Variants in ADIPOR2 observed in about 807,000 individuals in gnomAD.
ADIPOR2 encodes the protein adiponectin receptor 2, also known as adiponectin receptor protein 2.
A neutral mutation model predicts 40.9 loss-of-function variants in ADIPOR2; 18 were observed. That is an observed-to-expected ratio of 0.44 (90% CI 0.30 to 0.65). The LOEUF is 0.65. Ranked by LOEUF, ADIPOR2 falls within the 30% of genes least tolerant of loss-of-function variation. ADIPOR2 has a pLI of 0.09. For synonymous variants in ADIPOR2, 165 were observed against 166.4 expected, an observed-to-expected ratio of 0.99 and a Z score of 0.06; for missense variants, 283 against 479.2, an observed-to-expected ratio of 0.59 and a Z score of 3.82.
chr12:1,730,510 G>T (rs1340236510), intron 1 of ADIPOR2, among the ~76,000 whole-genome samples: 1 of 151,700 alleles, frequency 6.6e-6, no homozygotes, highest in Non-Finnish European at 1.5e-5. Flanking sequence ...CCAGCTACAC[G>T]GGAAGCTGAG....
chr12:1,784,624 G>A (rs1174293947), intron 7 of ADIPOR2, among the ~76,000 whole-genome samples: 1 of 152,194 alleles, frequency 6.6e-6, no homozygotes, highest in East Asian at 1.9e-4. Context: ...TTTGTAATGG[G>A]AGACTGAGTG....
chr12:1,704,903 A>G (rs536215998), intron 1 of ADIPOR2, among the ~76,000 whole-genome samples: 2 of 152,146 alleles, frequency 1.3e-5, no homozygotes, highest in South Asian at 4.1e-4. Flanking sequence ...GAATTGAGCA[A>G]TATTGATAAA....
chr12:1,720,343 CA>C (rs1427028344), intron 1 of ADIPOR2, among the ~76,000 whole-genome samples: 1 of 150,784 alleles, frequency 6.6e-6, no homozygotes, highest in Non-Finnish European at 1.5e-5. Context: ...GACTGGTGGG[CA>C]GGGGGTGGAG....
At chr12:1,759,154 G>A (rs1214087706) in intron 2 of ADIPOR2, among the ~76,000 whole-genome samples, 2 of 152,120 alleles carry the variant, frequency 1.3e-5, no homozygotes, top group Non-Finnish European at 2.9e-5. Flanking sequence ...TGCAGACCTC[G>A]TTTTCTGTTA....
chr12:1,779,754 C>T (rs2154444393), intron 4 of ADIPOR2, among the ~76,000 whole-genome samples: 1 of 152,276 alleles, frequency 6.6e-6, no homozygotes, highest in East Asian at 1.9e-4. Context: ...ACTTCTAATT[C>T]AAGGGTAATT....
rs543845065 is a variant in ADIPOR2, at chr12:1,783,129, C to T, written c.839-751C>T. Among the ~76,000 whole-genome samples, 23 of 150,828 alleles carry T rather than the reference C, an allele frequency of 1.5e-4. 1 individual carries two copies. The highest frequency in any genetic ancestry group is 5.9e-4 in the Admixed American group (9 of 15,152). ...ATTACAGGTGTGAGCTGAGCCACTG[C>T]GCCCAGCCTTAGATTCCTATTAAAA... is the stretch of plus-strand genomic sequence containing the variant. On this transcript the variant is annotated intron_variant, in intron 6 of 7. Transcript: ENST00000357103.
Position 1,745,526 on chromosome 12 carries a change from C to CA in ADIPOR2, c.-86-8729dup, listed in dbSNP as rs2094753130. 2.0e-5 allele frequency among the ~76,000 whole-genome samples: 3 copies of CA among 152,296 alleles called. No homozygotes were observed. In the South Asian group the frequency reaches 6.2e-4, roughly 32 times the overall value. On this transcript the variant is annotated intron_variant, in intron 1 of 7. Transcript: ENST00000357103. ...TCATTGGATCTCTACATTTAGGTTA[C>CA]AAACGGGATGAATTTTTTCCTAAAA... is the stretch of plus-strand genomic sequence containing the variant.
rs769157778 is a variant in ADIPOR2 at position 1,777,940 on chromosome 12, G to A, written c.378G>A (p.Arg126=). Residue 126 remains arginine, a synonymous_variant, in exon 4 of 8, where the codon CGG becomes CGA. Coordinates refer to ENST00000357103, the MANE Select transcript of ADIPOR2 (RefSeq NM_024551.3). ...KDNDFLLHGH[R]PPMPSFRACF... is the part of the protein sequence containing the mutation. The stretch of plus-strand genomic sequence containing the variant: ...ATGACTTCCTCTTGCATGGACACCG[G>A]CCTCCTATGCCTTCTTTCCGGGCCT... The A allele has an allele frequency of 8.1e-6, 13 of 1,613,876 alleles. No individual in the cohort carries two copies. Among genetic ancestry groups the A allele is most frequent in the Non-Finnish European group, 8.5e-6 (10 of 1,179,962 alleles).
At chr12:1,701,204 A>G (rs2094649638) in intron 1 of ADIPOR2, among the ~76,000 whole-genome samples, 1 of 144,870 alleles carries the variant, frequency 6.9e-6, no homozygotes, top group South Asian at 2.1e-4. Flanking sequence ...ATCATGGCTC[A>G]CTGCAGCCCA....
chr12:1,699,489 C>A (rs756488479), intron 1 of ADIPOR2, among the ~76,000 whole-genome samples: 9 of 151,836 alleles, frequency 5.9e-5, no homozygotes, highest in East Asian at 1.9e-4. Flanking sequence ...ACAAAAAAAA[C>A]CAAAAACAAA....
At chr12:1,731,907 T>C (rs1412616990) in intron 1 of ADIPOR2, among the ~76,000 whole-genome samples, 1 of 152,018 alleles carries the variant, frequency 6.6e-6, no homozygotes, top group Non-Finnish European at 1.5e-5. Context: ...GAGGTTGCAG[T>C]GAGCCGAGAT....
chr12:1,758,081 G>T, intron 2 of ADIPOR2: 1 of 583,744 alleles, frequency 1.7e-6, no homozygotes, highest in East Asian at 2.9e-5. Context: ...TCACTTTTGT[G>T]TCAGATTTAC....
intron 2 of ADIPOR2, among the ~76,000 whole-genome samples, chr12:1,767,252 CAA>C (rs1267089893): frequency 1.0e-5 from 1 of 97,250 alleles, no homozygotes; most frequent in African/African-American, 4.2e-5. Flanking sequence ...GCCTGGAGGA[CAA>C]GAGCAAGACT....
chr12:1,758,418 C>A (rs1862193790), intron 2 of ADIPOR2, among the ~76,000 whole-genome samples: 2 of 152,166 alleles, frequency 1.3e-5, no homozygotes, highest in Non-Finnish European at 2.9e-5. Context: ...GCTGAAAAGG[C>A]CTTCCAAAAT....
At position 1,772,839 on chromosome 12, in the gene ADIPOR2, C is replaced by T; in HGVS notation, c.172-3C>T. 1 of 1,606,266 alleles carries T rather than the reference C, an allele frequency of 6.2e-7. No homozygotes were observed. On this transcript the variant is annotated splice_polypyrimidine_tract_variant and splice_region_variant and intron_variant, in intron 2 of 7. Transcript: ENST00000357103. ...CTTGACTGTTTCTGTGATTGCCTTG[C>T]AGAGCTCTGAGGAACATGAATACAG...
At chr12:1,696,790 T>C (rs1053915962) in intron 1 of ADIPOR2, 32 of 153,594 alleles carry the variant, frequency 2.1e-4, no homozygotes, top group African/African-American at 7.5e-4. Context: ...ATCACAGTTA[T>C]AGTAGACAGC....
chr12:1,763,150 T>A (rs1023926295), intron 2 of ADIPOR2, among the ~76,000 whole-genome samples: 1 of 152,230 alleles, frequency 6.6e-6, no homozygotes, highest in South Asian at 2.1e-4. Context: ...TGAAGCAGGA[T>A]GGATTTTTAG....
chr12:1,745,138 C>G (rs1045443697), intron 1 of ADIPOR2, among the ~76,000 whole-genome samples: 1 of 152,148 alleles, frequency 6.6e-6, no homozygotes, highest in Non-Finnish European at 1.5e-5. Context: ...CAACAAGATT[C>G]CTTGAGCATT....
At chr12:1,757,700 T>TG in intron 2 of ADIPOR2, 1 of 1,315,888 alleles carries the variant, frequency 7.6e-7, no homozygotes, top group South Asian at 1.2e-5. Flanking sequence ...AAGCGACCCT[T>TG]GGTGTCATAG....
Sources: allele counts gnomAD v4.1 joint callset (sites outside exome capture counted in the v4.1 genomes callset), GRCh38; gene constraint gnomAD v4.1.1; transcripts MANE v1.5; gene names NCBI Gene and HGNC (gene_info 2026-07-23, HGNC 2026-07-21).